The following PTGER3 variants were observed in gnomAD, a reference collection of about 807,000 sequenced individuals.
PTGER3 encodes prostaglandin E receptor 3.
PTGER3 carries 22 observed loss-of-function variants against 34.7 expected under a neutral mutation model. That is an observed-to-expected ratio of 0.63 (90% CI 0.45 to 0.91). The LOEUF is 0.91. Among genes scored for constraint, PTGER3 ranks in the 40% least tolerant of loss-of-function variants. The pLI is 0.00. For synonymous variants in PTGER3, 241 were observed against 230.1 expected, an observed-to-expected ratio of 1.05 and a Z score of -0.43; for missense variants, 468 against 519.4, an observed-to-expected ratio of 0.90 and a Z score of 0.96.
intron 4 of PTGER3, among the ~76,000 whole-genome samples, chr1:70,937,807 G>A (rs1649363878): frequency 6.6e-6 from 1 of 151,884 alleles, no homozygotes; most frequent in Admixed American, 6.6e-5. Flanking sequence ...AGAAATAAAA[G>A]TTAATCATTG....
chr1:70,921,648 A>G (rs1443597555), intron 4 of PTGER3, among the ~76,000 whole-genome samples: 1 of 151,750 alleles, frequency 6.6e-6, no homozygotes, highest in Non-Finnish European at 1.5e-5. Context: ...GGTCCCTAAA[A>G]AAAAATAAAT....
At chr1:70,852,914 C>A in intron 4 of PTGER3, 3 of 1,564,228 alleles carry the variant, frequency 1.9e-6, no homozygotes, top group Non-Finnish European at 2.6e-6. Context: ...CTGTTAATAT[C>A]TTAAATAAAA....
At chr1:70,861,338 T>TA (rs1406490109) in intron 4 of PTGER3, among the ~76,000 whole-genome samples, 8 of 152,364 alleles carry the variant, frequency 5.3e-5, no homozygotes, top group African/African-American at 1.9e-4. Flanking sequence ...AATACATTTC[T>TA]AACTTTCTAG....
At chr1:70,991,328 G>T (rs1655458841) in intron 2 of PTGER3, among the ~76,000 whole-genome samples, 1 of 152,128 alleles carries the variant, frequency 6.6e-6, no homozygotes, top group Non-Finnish European at 1.5e-5. Context: ...CTATCCCCGA[G>T]GCTGACTGGT....
At position 70,996,639 on chromosome 1, in the gene PTGER3, T is replaced by TTTATTTATTTATTTA. The variant is rs1553173494; in HGVS notation, c.1077+15665_1077+15666insTAAATAAATAAATAA. Among the ~76,000 whole-genome samples the TTTATTTATTTATTTA allele has an allele frequency of 1.4e-3, 171 of 122,748 alleles. 3 individuals are homozygous for TTTATTTATTTATTTA. The highest frequency in any genetic ancestry group is 4.4e-3 in the African/African-American group (146 of 33,366). The allele number at this position is 122,748 out of a possible 152,430, so 80.5% of individuals were successfully genotyped here. The stretch of plus-strand genomic sequence containing the variant: ...CCATGCCCGGCTAATTTTTTTGTAT[T>TTTATTTATTTATTTA]TTTATTTATTTATTTATTTATTTAT... On this transcript the variant is annotated intron_variant, in intron 2 of 3. Coordinates refer to ENST00000306666, the MANE Select transcript of PTGER3 (RefSeq NM_198719.2).
chr1:71,019,777 T>C (rs933958908), intron 1 of PTGER3, among the ~76,000 whole-genome samples: 1 of 152,170 alleles, frequency 6.6e-6, no homozygotes, highest in African/African-American at 2.4e-5. Flanking sequence ...ACATATCTAT[T>C]AAAGATGATA....
At chr1:71,035,793 C>CT (rs1410937655) in intron 1 of PTGER3, among the ~76,000 whole-genome samples, 6 of 152,356 alleles carry the variant, frequency 3.9e-5, no homozygotes, top group African/African-American at 1.4e-4. Context: ...ATCCATCCAT[C>CT]TGGCCTTCTT....
chr1:70,909,758 T>C (rs72669151), intron 4 of PTGER3, among the ~76,000 whole-genome samples: 155 of 152,308 alleles, frequency 1.0e-3, no homozygotes, highest in Middle Eastern at 3.4e-3. Flanking sequence ...GTCTTTATAA[T>C]ATCTTTGAAG....
At chr1:71,037,851 T>G (rs1165328345) in intron 1 of PTGER3, among the ~76,000 whole-genome samples, 3 of 152,204 alleles carry the variant, frequency 2.0e-5, no homozygotes, top group Admixed American at 2.0e-4. Context: ...TCTGTTCTTC[T>G]TATGAAGCAG....
intron 4 of PTGER3, among the ~76,000 whole-genome samples, chr1:70,944,667 T>A (rs1471638460): frequency 2.0e-5 from 3 of 152,114 alleles, no homozygotes; most frequent in African/African-American, 7.2e-5. Context: ...CCAAATTGAA[T>A]GCCTAACCCT....
intron 4 of PTGER3, among the ~76,000 whole-genome samples, chr1:70,921,802 C>G (rs1647557398): frequency 6.6e-6 from 1 of 152,094 alleles, no homozygotes; most frequent in South Asian, 2.1e-4. Context: ...TAATTCCTGG[C>G]TTGGAAAATT....
At chr1:70,900,182 T>G (rs1380064778) in intron 4 of PTGER3, among the ~76,000 whole-genome samples, 1 of 152,218 alleles carries the variant, frequency 6.6e-6, no homozygotes, top group Non-Finnish European at 1.5e-5. Flanking sequence ...CTTATTTTAC[T>G]AAATGATTTA....
At chr1:70,949,338 T>G (rs1275841769), downstream of PTGER3, among the ~76,000 whole-genome samples, 2 of 152,142 alleles carry the variant, frequency 1.3e-5, no homozygotes, top group Non-Finnish European at 2.9e-5. Context: ...TAATTCCACA[T>G]CTCTAAGTTG....
chr1:70,872,296 TTAA>T (rs1157003501), intron 4 of PTGER3, among the ~76,000 whole-genome samples: 2 of 152,208 alleles, frequency 1.3e-5, no homozygotes. Flanking sequence ...TGAAGAACTA[TTAA>T]TAGTCTACAT....
intron 4 of PTGER3, among the ~76,000 whole-genome samples, chr1:70,870,557 T>C (rs1340782106): frequency 6.6e-6 from 1 of 152,230 alleles, no homozygotes; most frequent in African/African-American, 2.4e-5. Context: ...TGCTCTGCTT[T>C]CCTTTTAAAT....
At chr1:71,039,355 G>A (rs1660088404) in intron 1 of PTGER3, among the ~76,000 whole-genome samples, 1 of 151,846 alleles carries the variant, frequency 6.6e-6, no homozygotes, top group South Asian at 2.1e-4. Flanking sequence ...AGGGAAGGAG[G>A]GATGAATTAC....
At chr1:70,984,749 T>A (rs192814640) in intron 2 of PTGER3, among the ~76,000 whole-genome samples, 36 of 151,950 alleles carry the variant, frequency 2.4e-4, no homozygotes, top group Admixed American at 5.9e-4. Flanking sequence ...TAAAAAAAAA[T>A]TTTAAGTCAA....
intron 2 of PTGER3, among the ~76,000 whole-genome samples, chr1:70,985,381 G>A (rs1311168341): frequency 6.6e-6 from 1 of 152,156 alleles, no homozygotes; most frequent in Non-Finnish European, 1.5e-5. Flanking sequence ...CATAGAGACT[G>A]CCATGGAGTT....
In PTGER3 at chr1:71,008,218, G is replaced by A; in HGVS notation, c.1077+4087C>T. The stretch of plus-strand genomic sequence containing the variant: ...AATACATAATCTAGTAGATATCTGG[G>A]TTGCTTATTACATGAAACTGATTGA... On this transcript the variant is annotated intron_variant, in intron 2 of 3. Transcript: ENST00000306666. The A allele has an allele frequency of 3.2e-6, 3 of 944,094 alleles. No individual in the cohort carries two copies. The South Asian group carries it at 1.5e-4, about 46-fold the overall frequency. 58.5% of individuals were successfully genotyped at this position (944,094 alleles called of 1,614,324 possible).
Sources: allele counts gnomAD v4.1 joint callset (sites outside exome capture counted in the v4.1 genomes callset), GRCh38; gene constraint gnomAD v4.1.1; transcripts MANE v1.5; gene names NCBI Gene and HGNC (gene_info 2026-07-23, HGNC 2026-07-21).